DLG2: variants seen among roughly 807,000 people sequenced by gnomAD.
DLG2 encodes the protein disks large homolog 2.
Under a neutral mutation model 132.5 loss-of-function variants are expected in DLG2, and 45 were observed. That is an observed-to-expected ratio of 0.34 (90% CI 0.27 to 0.44). The LOEUF is 0.44. DLG2 is among the 20% of genes least tolerant of loss of function. DLG2 has a pLI of 1.00. For missense variants in DLG2, 1,045 were observed against 1,196.9 expected, an observed-to-expected ratio of 0.87 and a Z score of 1.87; for synonymous variants, 424 against 419.6, an observed-to-expected ratio of 1.01 and a Z score of -0.13.
chr11:83,849,749 CTTTTTTTT>C (rs67717983), intron 16 of DLG2, among the ~76,000 whole-genome samples: 28 of 146,018 alleles, frequency 1.9e-4, no homozygotes, highest in African/African-American at 2.8e-4. Flanking sequence ...TCTGGAGCTC[CTTTTTTTT>C]TTTTTTTTAA....
intron 6 of DLG2, among the ~76,000 whole-genome samples, chr11:84,709,987 T>C (rs74804506): frequency 0.015 from 2,268 of 152,078 alleles, 68 homozygotes; most frequent in African/African-American, 0.051. Flanking sequence ...AGCAGGGCCT[T>C]CAACTTACTG....
At chr11:84,367,468 G>T (rs2098688862) in intron 7 of DLG2, among the ~76,000 whole-genome samples, 1 of 152,108 alleles carries the variant, frequency 6.6e-6, no homozygotes, top group Non-Finnish European at 1.5e-5. Flanking sequence ...ATTGTTTGAA[G>T]TCTCGACGGC....
chr11:85,171,519 T>C (rs2078877313), intron 4 of DLG2, among the ~76,000 whole-genome samples: 2 of 152,160 alleles, frequency 1.3e-5, no homozygotes. Context: ...CCAAGGGTTT[T>C]GTATAATCTG....
chr11:84,151,389 G>A (rs868587240), intron 9 of DLG2, among the ~76,000 whole-genome samples: 2 of 152,078 alleles, frequency 1.3e-5, no homozygotes, highest in Non-Finnish European at 2.9e-5. Flanking sequence ...TGTGGGATCA[G>A]TTGTGATGTT....
Position 84,285,850 on chromosome 11 carries a change from T to A in DLG2, c.520-34559A>T, listed in dbSNP as rs546224749. Among the ~76,000 whole-genome samples the A allele has an allele frequency of 3.1e-3, 468 of 152,360 alleles. 2 individuals carry two copies. Among genetic ancestry groups the A allele is most frequent in the Non-Finnish European group, 2.7e-3 (184 of 68,040 alleles). ...TAGTTCTTTTGCTTACAATGTATCA[T>A]CTATATATAGATAGTGTCCAGCATG... On this transcript the variant is annotated intron_variant, in intron 7 of 27. Transcript: ENST00000376104.
intron 3 of DLG2, among the ~76,000 whole-genome samples, chr11:85,306,308 T>G (rs80262595): frequency 0.015 from 2,311 of 152,328 alleles, 28 homozygotes; most frequent in Non-Finnish European, 0.023. Flanking sequence ...TTGTGTACTT[T>G]GGATACAGCA....
At chr11:84,121,050 C>T (rs746717293) in intron 9 of DLG2, among the ~76,000 whole-genome samples, 7 of 152,150 alleles carry the variant, frequency 4.6e-5, no homozygotes, top group South Asian at 2.1e-4. Flanking sequence ...TTTATTCACT[C>T]ATTTATGTAT....
At chr11:85,172,937 G>C (rs148355380) in intron 4 of DLG2, among the ~76,000 whole-genome samples, 5 of 152,206 alleles carry the variant, frequency 3.3e-5, no homozygotes, top group Middle Eastern at 3.4e-3. Flanking sequence ...GAATGAAAAT[G>C]AACAAACCAA....
At chr11:85,066,978 G>A (rs985178070) in intron 6 of DLG2, among the ~76,000 whole-genome samples, 2 of 151,610 alleles carry the variant, frequency 1.3e-5, no homozygotes, top group Admixed American at 6.6e-5. Flanking sequence ...ATTAGAAAAC[G>A]GGAAGTCAAA....
At chr11:85,050,235 A>G (rs890655291) in intron 6 of DLG2, among the ~76,000 whole-genome samples, 3 of 152,060 alleles carry the variant, frequency 2.0e-5, no homozygotes, top group African/African-American at 4.8e-5. Context: ...TTAAAAATGT[A>G]CACTAAAAAA....
chr11:83,536,212 C>T (rs943612611), intron 20 of DLG2, among the ~76,000 whole-genome samples: 1 of 152,152 alleles, frequency 6.6e-6, no homozygotes, highest in Non-Finnish European at 1.5e-5. Context: ...AAACCACAAC[C>T]AAATTTAAGC....
chr11:85,103,074 A>C (rs1048857982), intron 6 of DLG2, among the ~76,000 whole-genome samples: 44 of 151,978 alleles, frequency 2.9e-4, no homozygotes, highest in African/African-American at 1.1e-3. Flanking sequence ...GAAGGGCAAA[A>C]CTTGTATTCC....
chr11:84,741,289 C>A (rs2064624479), intron 6 of DLG2, among the ~76,000 whole-genome samples: 1 of 151,748 alleles, frequency 6.6e-6, no homozygotes, highest in South Asian at 2.1e-4. Context: ...CTCCTGACCT[C>A]GTGATCCGCC....
chr11:85,553,732 A>C (rs1232992378), intron 3 of DLG2, among the ~76,000 whole-genome samples: 1 of 151,588 alleles, frequency 6.6e-6, no homozygotes, highest in Non-Finnish European at 1.5e-5. Flanking sequence ...TCTCTCAACA[A>C]ATACTAAATA....
intron 6 of DLG2, among the ~76,000 whole-genome samples, chr11:84,615,331 C>T (rs1045429212): frequency 6.6e-6 from 1 of 151,980 alleles, no homozygotes; most frequent in African/African-American, 2.4e-5. Flanking sequence ...TAAATACAGA[C>T]ATGGACGCAA....
intron 6 of DLG2, among the ~76,000 whole-genome samples, chr11:84,789,745 T>C (rs75988444): frequency 0.015 from 2,233 of 152,264 alleles, 53 homozygotes; most frequent in African/African-American, 0.05. Context: ...TCCCAGTCTC[T>C]GGTAACTATC....
intron 3 of DLG2, among the ~76,000 whole-genome samples, chr11:85,420,155 T>C (rs2090177942): frequency 6.6e-6 from 1 of 152,234 alleles, no homozygotes. Flanking sequence ...GCTATTCCTT[T>C]CTGTTTTTTA....
Position 85,368,375 on chromosome 11 carries a change from C to A in DLG2, c.41-83010G>T, listed in dbSNP as rs286050. Among the ~76,000 whole-genome samples the A allele has an allele frequency of 2.0e-5, 3 of 152,058 alleles. No individual in the cohort carries two copies. In the South Asian group the frequency reaches 6.2e-4, roughly 32 times the overall value. Reference sequence around the variant, plus strand: ...AATAAATTGATGAGGCAACTTTATTCTTCCAGTTGTTCAGGTCTAAATCTT... The same window carrying A: ...AATAAATTGATGAGGCAACTTTATTATTCCAGTTGTTCAGGTCTAAATCTT... On this transcript the variant is annotated intron_variant, in intron 3 of 27. Transcript: ENST00000376104.
chr11:85,041,241 A>T (rs998330599), intron 6 of DLG2, among the ~76,000 whole-genome samples: 7 of 151,958 alleles, frequency 4.6e-5, no homozygotes, highest in African/African-American at 1.7e-4. Context: ...TATAAGATAT[A>T]AAAAGAGACA....
Sources: gnomAD v4.1 joint callset for allele counts (sites outside exome capture counted in the v4.1 genomes callset) on GRCh38, gnomAD v4.1.1 for gene constraint, MANE v1.5 for transcripts, NCBI Gene and HGNC (gene_info 2026-07-23, HGNC 2026-07-21) for gene names.